Variants in HERC4 observed in about 807,000 individuals in gnomAD.
The protein encoded by HERC4 is HECT and RLD domain containing E3 ubiquitin protein ligase 4.
In HERC4, 28 loss-of-function variants were observed where a neutral mutation model predicts 124.3. That is an observed-to-expected ratio of 0.23 (90% CI 0.17 to 0.31). HERC4 has a LOEUF of 0.31. Ranked by LOEUF, HERC4 falls within the 10% of genes least tolerant of loss-of-function variation. The pLI is 1.00. For missense variants in HERC4, 713 were observed against 1,229.3 expected (o/e 0.58, Z 6.28); for synonymous variants, 407 against 421.5 (o/e 0.97, Z 0.42).
chr10:67,944,713 ACAGAAAAGGTACT>A (rs2033188985), intron 19 of HERC4, among the ~76,000 whole-genome samples: 3 of 152,250 alleles, frequency 2.0e-5, no homozygotes. Flanking sequence ...CCAAGATAAC[ACAGAAAAGGTACT>A]CAGAATCCTA....
chr10:67,946,350 C>T (rs2033339179), intron 19 of HERC4, among the ~76,000 whole-genome samples: 1 of 57,272 alleles, frequency 1.7e-5, no homozygotes, highest in South Asian at 5.0e-4. Flanking sequence ...AAAACACAAA[C>T]ACACACACAC....
At chr10:67,960,424 T>C (rs2132367464) in intron 16 of HERC4, among the ~76,000 whole-genome samples, 1 of 152,242 alleles carries the variant, frequency 6.6e-6, no homozygotes, top group East Asian at 1.9e-4. Context: ...TCGATCTTGT[T>C]GCCCAGGCTG....
At chr10:67,933,854 A>G (rs1241968645) in intron 22 of HERC4, among the ~76,000 whole-genome samples, 1 of 152,140 alleles carries the variant, frequency 6.6e-6, no homozygotes, top group Non-Finnish European at 1.5e-5. Flanking sequence ...TTTAACAGAG[A>G]AGGACACTGA....
intron 8 of HERC4, among the ~76,000 whole-genome samples, chr10:68,016,439 G>A (rs148608861): frequency 1.5e-3 from 232 of 152,210 alleles, no homozygotes; most frequent in African/African-American, 5.1e-3. Flanking sequence ...TGCAACCTCC[G>A]CCTCCCGGAT....
chr10:67,967,622 C>T (rs1005037771), intron 15 of HERC4, among the ~76,000 whole-genome samples: 1 of 152,064 alleles, frequency 6.6e-6, no homozygotes, highest in Non-Finnish European at 1.5e-5. Flanking sequence ...GTGGAGAGCA[C>T]CATCTTCATC....
chr10:67,959,036 T>TTTACATTTTTTAAACACA, intron 16 of HERC4: 1 of 1,247,148 alleles, frequency 8.0e-7, no homozygotes, highest in South Asian at 1.5e-5. Flanking sequence ...AAAAAACGAA[T>TTTACATTTTTTAAACACA]CTTTGGCTCT....
chr10:67,936,307 C>T lies in HERC4; in HGVS notation c.2572-72G>A, dbSNP rs1449117515. 8.5e-6 allele frequency: 7 copies of T among 826,724 alleles called. No homozygotes were observed. The East Asian group carries it at 1.4e-4, about 17-fold the overall frequency. 51.2% of individuals were successfully genotyped at this position (826,724 alleles called of 1,614,324 possible). ...TATAATAATCTATTATTATATTCTA[C>T]CTTTCTCTCATTTAATTAAAAAAAA... On this transcript the variant is annotated intron_variant, in intron 21 of 24. Transcript: ENST00000373700.
intron 9 of HERC4, among the ~76,000 whole-genome samples, chr10:68,008,190 T>C (rs569271114): frequency 9.2e-5 from 14 of 152,304 alleles, no homozygotes; most frequent in African/African-American, 3.4e-4. Context: ...TCTTAATAGT[T>C]GGGGTAGAGG....
chr10:68,052,787 G>A (rs1318348833), intron 3 of HERC4, among the ~76,000 whole-genome samples: 1 of 152,064 alleles, frequency 6.6e-6, no homozygotes, highest in Admixed American at 6.6e-5. Context: ...CTCTGATAAC[G>A]TCTGAATTGT....
chr10:67,930,314 A>G (rs2031655865), intron 23 of HERC4, among the ~76,000 whole-genome samples: 1 of 152,356 alleles, frequency 6.6e-6, no homozygotes, highest in African/African-American at 2.4e-5. Flanking sequence ...ACACTTCAGT[A>G]GCATTAACTA....
Position 67,956,860 on chromosome 10 carries a change from T to TC in HERC4, c.2025+17dup. Reference sequence around the variant, plus strand: ...AAGAAACAATTAAAAAAAAAAACCCTCTCAAATAATATTTTACCTGCATCT... The same window carrying TC: ...AAGAAACAATTAAAAAAAAAAACCCTCCTCAAATAATATTTTACCTGCATCT... On this transcript the variant is annotated intron_variant, in intron 17 of 24. Coordinates refer to ENST00000373700, the MANE Select transcript of HERC4 (RefSeq NM_015601.4). The TC allele has an allele frequency of 6.9e-7, 1 of 1,453,744 alleles. No homozygotes were observed. Among genetic ancestry groups the TC allele is most frequent in the Non-Finnish European group, 9.4e-7 (1 of 1,069,150 alleles). 90.1% of individuals were successfully genotyped at this position (1,453,744 alleles called of 1,614,324 possible).
chr10:67,976,310 C>G (rs553882865), intron 15 of HERC4, among the ~76,000 whole-genome samples: 1 of 152,314 alleles, frequency 6.6e-6, no homozygotes, highest in East Asian at 1.9e-4. Context: ...GCTTTCCCCT[C>G]TCCAATATTT....
At chr10:68,036,469 A>G (rs2039475725) in intron 5 of HERC4, among the ~76,000 whole-genome samples, 1 of 152,218 alleles carries the variant, frequency 6.6e-6, no homozygotes, top group Non-Finnish European at 1.5e-5. Flanking sequence ...CCAAAATATC[A>G]AAAGAGGAGT....
intron 3 of HERC4, among the ~76,000 whole-genome samples, 156 bp downstream of exon 3, chr10:68,072,727 C>T (rs1355657502): frequency 6.6e-6 from 1 of 151,918 alleles, no homozygotes; most frequent in African/African-American, 2.4e-5. Flanking sequence ...TACTTAGAAC[C>T]ATACAAATAT....
intron 5 of HERC4, among the ~76,000 whole-genome samples, chr10:68,036,076 A>G (rs2133388285): frequency 6.6e-6 from 1 of 152,172 alleles, no homozygotes; most frequent in East Asian, 1.9e-4. Flanking sequence ...GCACTTTGGG[A>G]GGCTGAGGCG....
At chr10:68,033,783 T>C (rs1395327235) in intron 6 of HERC4, among the ~76,000 whole-genome samples, 182 bp downstream of exon 6, 2 of 152,210 alleles carry the variant, frequency 1.3e-5, no homozygotes, top group Admixed American at 6.5e-5. Flanking sequence ...AGTTCTTTAA[T>C]GAATAAAGGA....
chr10:68,012,353 A>C (rs1406502540), intron 9 of HERC4, among the ~76,000 whole-genome samples: 1 of 152,234 alleles, frequency 6.6e-6, no homozygotes, highest in South Asian at 2.1e-4. Context: ...TGCCTTCTTC[A>C]CTAAGCATAA....
At chr10:68,019,065 C>T (rs1175543409) in intron 8 of HERC4, among the ~76,000 whole-genome samples, 2 of 144,180 alleles carry the variant, frequency 1.4e-5, no homozygotes, top group African/African-American at 2.6e-5. Context: ...GGTGCGATCT[C>T]GGCTCACTGC....
At chr10:67,926,732 T>C (rs112528989) in intron 23 of HERC4, among the ~76,000 whole-genome samples, 1 of 152,228 alleles carries the variant, frequency 6.6e-6, no homozygotes, top group Non-Finnish European at 1.5e-5. Context: ...AAAACCTCAG[T>C]GAACAGAATC....
Sources: allele counts gnomAD v4.1 joint callset (sites outside exome capture counted in the v4.1 genomes callset), GRCh38; gene constraint gnomAD v4.1.1; transcripts MANE v1.5; gene names NCBI Gene and HGNC (gene_info 2026-07-23, HGNC 2026-07-21).